Variants in ZSWIM5 observed in about 807,000 individuals in gnomAD.
The protein encoded by ZSWIM5 is zinc finger SWIM domain-containing protein 5.
A neutral mutation model predicts 119.6 loss-of-function variants in ZSWIM5; 55 were observed. That is an observed-to-expected ratio of 0.46 (90% CI 0.37 to 0.58). The LOEUF (loss-of-function observed/expected upper bound fraction) is 0.58. Ranked by LOEUF, ZSWIM5 falls within the 20% of genes least tolerant of loss-of-function variation. The pLI, the probability that ZSWIM5 is intolerant of heterozygous loss-of-function variation, is 0.00. For synonymous variants in ZSWIM5, 537 were observed against 606.9 expected (o/e 0.88, Z 1.69); for missense variants, 1,193 against 1,512.8 (o/e 0.79, Z 3.51).
At chr1:45,061,643 T>C (rs1241729246) in intron 2 of ZSWIM5, among the ~76,000 whole-genome samples, 1 of 151,362 alleles carries the variant, frequency 6.6e-6, no homozygotes, top group African/African-American at 2.4e-5. Context: ...AGTGCTGGGA[T>C]TACAGGTGTG....
intron 11 of ZSWIM5, among the ~76,000 whole-genome samples, chr1:45,025,125 A>T (rs1644914140): frequency 6.6e-6 from 1 of 152,180 alleles, no homozygotes; most frequent in African/African-American, 2.4e-5. Flanking sequence ...CTCCTTTCTC[A>T]GTATCAGTTG....
At chr1:45,049,544 CGCGGTG>C (rs1307362556) in intron 5 of ZSWIM5, among the ~76,000 whole-genome samples, 1 of 152,154 alleles carries the variant, frequency 6.6e-6, no homozygotes, top group Non-Finnish European at 1.5e-5. Flanking sequence ...CCAGGCTGGT[CGCGGTG>C]GCTCATGCCT....
At chr1:45,172,588 C>T (rs1645952820) in intron 1 of ZSWIM5, among the ~76,000 whole-genome samples, 1 of 152,040 alleles carries the variant, frequency 6.6e-6, no homozygotes, top group East Asian at 1.9e-4. Flanking sequence ...TTAGACAAGA[C>T]AATAACATCA....
At chr1:45,183,971 T>C (rs1007710203) in intron 1 of ZSWIM5, among the ~76,000 whole-genome samples, 88 of 152,250 alleles carry the variant, frequency 5.8e-4, no homozygotes, top group Non-Finnish European at 9.7e-4. Flanking sequence ...ACCAATATCC[T>C]TGATGAACAT....
At chr1:45,193,606 T>A (rs1425304674) in intron 1 of ZSWIM5, among the ~76,000 whole-genome samples, 1 of 152,024 alleles carries the variant, frequency 6.6e-6, no homozygotes, top group Non-Finnish European at 1.5e-5. Flanking sequence ...CTAGCGACCT[T>A]TAAGAGATCA....
At chr1:45,118,627 A>G (rs1645572941) in intron 1 of ZSWIM5, among the ~76,000 whole-genome samples, 1 of 151,646 alleles carries the variant, frequency 6.6e-6, no homozygotes, top group Non-Finnish European at 1.5e-5. Context: ...CTGTAGTCCC[A>G]GCTACTCTGG....
In ZSWIM5 at chr1:45,205,941, T is replaced by A; in HGVS notation, c.410A>T (p.Glu137Val). Reference sequence around the variant, plus strand: ...GGCCCCGGGGGGTGGCTGCGGCCCCTCCTCGGCCGGCGAAGCCCCCGCGGC... The same window carrying A: ...GGCCCCGGGGGGTGGCTGCGGCCCCACCTCGGCCGGCGAAGCCCCCGCGGC... ...GGAAGASPAE[E>V]GPQPPPGAAA... Residue 137 changes from glutamate (E) to valine (V), a missense_variant, in exon 1 of 14, where the codon GAG (glutamate) becomes GTG (valine). Coordinates refer to ENST00000359600, the MANE Select transcript of ZSWIM5 (RefSeq NM_020883.2). 1 of 1,234,588 alleles carries A rather than the reference T, an allele frequency of 8.1e-7. No homozygotes were observed. The highest frequency in any genetic ancestry group is 1.0e-6 in the Non-Finnish European group (1 of 986,126). 76.5% of individuals were successfully genotyped at this position (1,234,588 alleles called of 1,614,324 possible). A position where few individuals can be genotyped will look rare whatever the true frequency, so the allele number is the denominator to read the frequency against.
chr1:45,049,546 C>T (rs1022409278), intron 5 of ZSWIM5, among the ~76,000 whole-genome samples: 3 of 151,948 alleles, frequency 2.0e-5, no homozygotes, highest in African/African-American at 4.8e-5. Flanking sequence ...AGGCTGGTCG[C>T]GGTGGCTCAT....
intron 1 of ZSWIM5, among the ~76,000 whole-genome samples, chr1:45,117,777 C>T (rs1446627460): frequency 6.6e-6 from 1 of 152,194 alleles, no homozygotes; most frequent in African/African-American, 2.4e-5. Context: ...GTTACTGTAA[C>T]TTAAGTGGCC....
At chr1:45,112,011 C>T (rs1220032943) in intron 1 of ZSWIM5, among the ~76,000 whole-genome samples, 1 of 152,070 alleles carries the variant, frequency 6.6e-6, no homozygotes. Flanking sequence ...TTTTTTAAAG[C>T]TGATTTATTA....
Position 45,058,565 on chromosome 1 carries a change from CAAG to C in ZSWIM5, c.1252+41_1252+43del. 3 of 1,611,014 alleles carry C rather than the reference CAAG, an allele frequency of 1.9e-6. 1 individual carries two copies. In the African/African-American group the frequency reaches 4.0e-5, roughly 21 times the overall value. On this transcript the variant is annotated intron_variant, in intron 4 of 13. Transcript: ENST00000359600. The stretch of plus-strand genomic sequence containing the variant: ...GCTCATAAACACTGTTGCCACAGGG[CAAG>C]ATGGTAGAACAAAGCACTTCTCTGA...
intron 11 of ZSWIM5, among the ~76,000 whole-genome samples, chr1:45,025,692 G>C: frequency 6.6e-6 from 1 of 151,946 alleles, no homozygotes; most frequent in Middle Eastern, 3.2e-3. Context: ...ATAATTACTT[G>C]TTAGTTCCAG....
At chr1:45,104,563 C>A (rs1645458549) in intron 1 of ZSWIM5, among the ~76,000 whole-genome samples, 1 of 152,208 alleles carries the variant, frequency 6.6e-6, no homozygotes, top group South Asian at 2.1e-4. Flanking sequence ...TCACAAGAAG[C>A]AGATGGTGCC....
chr1:45,062,484 G>A (rs919126141), intron 2 of ZSWIM5, among the ~76,000 whole-genome samples: 1 of 152,036 alleles, frequency 6.6e-6, no homozygotes, highest in African/African-American at 2.4e-5. Flanking sequence ...TTCTTCAAAT[G>A]TCTTATTCTA....
In ZSWIM5 at chr1:45,034,601, A is replaced by C. The variant is rs531964970; in HGVS notation, c.2292-132T>G. The C allele has an allele frequency of 5.5e-6, 6 of 1,096,332 alleles. No individual in the cohort carries two copies. The African/African-American group carries it at 6.3e-5, about 12-fold the overall frequency. The allele number at this position is 1,096,332 out of a possible 1,614,324, so 67.9% of individuals were successfully genotyped here. A position where few individuals can be genotyped will look rare whatever the true frequency, so the allele number is the denominator to read the frequency against. Reference sequence around the variant, plus strand: ...TTAACTAAGAGCTTTGAAGGTTTTTAAACCTATGGTACTATACACTATATG... The same window carrying C: ...TTAACTAAGAGCTTTGAAGGTTTTTCAACCTATGGTACTATACACTATATG... On this transcript the variant is annotated intron_variant, in intron 10 of 13. Coordinates refer to ENST00000359600, the MANE Select transcript of ZSWIM5 (RefSeq NM_020883.2).
At chr1:45,103,352 C>G (rs1645451454) in intron 1 of ZSWIM5, among the ~76,000 whole-genome samples, 1 of 152,126 alleles carries the variant, frequency 6.6e-6, no homozygotes, top group Admixed American at 6.5e-5. Flanking sequence ...TCAAAGCAAC[C>G]CTACAAAGTA....
At chr1:45,193,945 T>TATATATATATATATAC (rs1463880471) in intron 1 of ZSWIM5, among the ~76,000 whole-genome samples, 1 of 151,796 alleles carries the variant, frequency 6.6e-6, no homozygotes, top group African/African-American at 2.4e-5. Context: ...TGTGTATATA[T>TATATATATATATATAC]ATATATATAT....
intron 1 of ZSWIM5, among the ~76,000 whole-genome samples, chr1:45,123,120 T>C (rs1329097212): frequency 6.6e-6 from 1 of 152,144 alleles, no homozygotes; most frequent in Non-Finnish European, 1.5e-5. Flanking sequence ...TTCCTACCTC[T>C]GCCACAAGAG....
chr1:45,056,098 A>G (rs1018238193), intron 4 of ZSWIM5, among the ~76,000 whole-genome samples: 1 of 152,250 alleles, frequency 6.6e-6, no homozygotes, highest in Non-Finnish European at 1.5e-5. Context: ...GACAACAGCT[A>G]CTTCAGGAGA....
Sources: gnomAD v4.1 joint callset for allele counts (sites outside exome capture counted in the v4.1 genomes callset) on GRCh38, gnomAD v4.1.1 for gene constraint, MANE v1.5 for transcripts, NCBI Gene and HGNC (gene_info 2026-07-23, HGNC 2026-07-21) for gene names.